The following LARGE1 variants were observed in gnomAD, a reference collection of about 807,000 sequenced individuals.
LARGE1 encodes LARGE xylosyl- and glucuronyltransferase 1, also known as xylosyl- and glucuronyltransferase LARGE1.
In LARGE1, 43 loss-of-function variants were observed where a neutral mutation model predicts 87.6. The observed-to-expected ratio is 0.49, with a 90% CI of 0.38 to 0.63. LARGE1 has a LOEUF of 0.63. Among genes scored for constraint, LARGE1 ranks in the 30% least tolerant of loss-of-function variants. LARGE1 has a pLI of 0.00. For missense variants in LARGE1, 802 were observed against 1,000.2 expected, an observed-to-expected ratio of 0.80 and a Z score of 2.67; for synonymous variants, 434 against 394.6, an observed-to-expected ratio of 1.10 and a Z score of -1.18.
At chr22:33,530,439 A>G (rs917145893) in intron 6 of LARGE1, among the ~76,000 whole-genome samples, 4 of 145,108 alleles carry the variant, frequency 2.8e-5, no homozygotes, top group African/African-American at 1.0e-4. Context: ...ACCATTGCCT[A>G]TTGGAAAGAC....
intron 2 of LARGE1, among the ~76,000 whole-genome samples, chr22:33,706,609 T>C (rs1211992022): frequency 2.6e-5 from 4 of 152,192 alleles, no homozygotes; most frequent in Admixed American, 2.6e-4. Flanking sequence ...TGGAAGGGGA[T>C]GGAAGAGGTT....
intron 13 of LARGE1, among the ~76,000 whole-genome samples, chr22:33,278,969 T>G (rs1284995237): frequency 1.3e-5 from 2 of 152,168 alleles, no homozygotes; most frequent in Admixed American, 1.3e-4. Flanking sequence ...CCGCCCGTCT[T>G]GGCCTCCCAC....
chr22:33,075,719 CTT>C, the LARGE1 span, among the ~76,000 whole-genome samples: 1 of 152,176 alleles, frequency 6.6e-6, no homozygotes, highest in South Asian at 2.1e-4. Context: ...TAAATATGGT[CTT>C]GAGTAATTAA....
At chr22:33,332,557 C>A (rs1569064837) in intron 10 of LARGE1, among the ~76,000 whole-genome samples, 1 of 152,158 alleles carries the variant, frequency 6.6e-6, no homozygotes, top group Non-Finnish European at 1.5e-5. Flanking sequence ...ATCTCAAGTC[C>A]AAAGAAGAGG....
At chr22:33,549,582 CT>C (rs2077464124) in intron 6 of LARGE1, among the ~76,000 whole-genome samples, 1 of 152,176 alleles carries the variant, frequency 6.6e-6, no homozygotes, top group African/African-American at 2.4e-5. Flanking sequence ...AAATTCACTA[CT>C]AGATGTTCAA....
At chr22:33,224,221 G>A (rs892675360) in intron 11 of LARGE1, among the ~76,000 whole-genome samples, 1 of 151,946 alleles carries the variant, frequency 6.6e-6, no homozygotes, top group African/African-American at 2.4e-5. Flanking sequence ...AGCCGAGATC[G>A]CGCCACTGCA....
At position 33,316,188 on chromosome 22, in the gene LARGE1, G is replaced by A. The variant is rs754744384; in HGVS notation, c.1348C>T (p.Arg450Cys). The change falls in exon 11 of 15, where the codon CGC (arginine) becomes TGC (cysteine). Residue 450 changes from arginine to cysteine, a missense_variant. Transcript: ENST00000397394. The stretch of plus-strand genomic sequence containing the variant: ...AGGTGGGTGCGGTGGACAGTGAAGC[G>A]CTCTCGCCGGAACTCATAGCACAGG... Reference protein sequence around the residue: ...DDLCYEFRRERFTVHRTHLYF... With the variant: ...DDLCYEFRRECFTVHRTHLYF... The A allele has an allele frequency of 2.8e-5, 45 of 1,614,024 alleles. No individual in the cohort carries two copies. The highest frequency in any genetic ancestry group is 3.6e-5 in the Non-Finnish European group (43 of 1,179,988).
chr22:33,790,937 C>T (rs1217931915), intron 1 of LARGE1, among the ~76,000 whole-genome samples: 2 of 152,128 alleles, frequency 1.3e-5, no homozygotes, highest in East Asian at 3.9e-4. Context: ...CTTTAAAAGG[C>T]CCACAAGCAC....
At chr22:33,629,202 C>T (rs1488193158) in intron 3 of LARGE1, among the ~76,000 whole-genome samples, 1 of 152,058 alleles carries the variant, frequency 6.6e-6, no homozygotes, top group African/African-American at 2.4e-5. Context: ...CCATTTCAAT[C>T]ATGAGGGAAA....
At chr22:33,532,614 T>C (rs1602286751) in intron 6 of LARGE1, among the ~76,000 whole-genome samples, 1 of 152,176 alleles carries the variant, frequency 6.6e-6, no homozygotes, top group South Asian at 2.1e-4. Context: ...GGGTGAGAGG[T>C]GGCATAGTTC....
chr22:33,262,885 G>A (rs60290807), intron 11 of LARGE1, among the ~76,000 whole-genome samples: 3 of 121,988 alleles, frequency 2.5e-5, no homozygotes, highest in Non-Finnish European at 3.3e-5. Flanking sequence ...CCCTCCGCTC[G>A]CCTCCCCTCC....
At chr22:33,855,477 G>A (rs1381789022) in intron 1 of LARGE1, among the ~76,000 whole-genome samples, 4 of 152,202 alleles carry the variant, frequency 2.6e-5, no homozygotes, top group East Asian at 1.9e-4. Context: ...AGGATCAGGC[G>A]AGAGACCTCA....
At chr22:33,080,462 A>G in the LARGE1 span, among the ~76,000 whole-genome samples, 67 of 152,274 alleles carry the variant, frequency 4.4e-4, no homozygotes, top group African/African-American at 1.6e-3. Flanking sequence ...AATGTTTCAG[A>G]TTTTATGTCA....
intron 6 of LARGE1, among the ~76,000 whole-genome samples, chr22:33,466,777 G>T (rs553330648): frequency 6.6e-6 from 1 of 151,554 alleles, no homozygotes; most frequent in Non-Finnish European, 1.5e-5. Flanking sequence ...GGTGGCTCAC[G>T]CCTGTAACCC....
intron 1 of LARGE1, among the ~76,000 whole-genome samples, chr22:33,833,365 G>A (rs2063026492): frequency 6.6e-6 from 1 of 152,124 alleles, no homozygotes; most frequent in Non-Finnish European, 1.5e-5. Flanking sequence ...AGTTATTAGG[G>A]TAAGATGGGA....
At chr22:33,078,597 C>T in the LARGE1 span, among the ~76,000 whole-genome samples, 1 of 152,234 alleles carries the variant, frequency 6.6e-6, no homozygotes. Flanking sequence ...TCTGACTCCA[C>T]AACCAATGCT....
intron 7 of LARGE1, among the ~76,000 whole-genome samples, chr22:33,426,825 A>AT (rs1168686119): frequency 6.6e-6 from 1 of 152,178 alleles, no homozygotes; most frequent in African/African-American, 2.4e-5. Context: ...AACACGATAC[A>AT]TTTTATTTTT....
At chr22:33,104,784 C>G in the LARGE1 span, among the ~76,000 whole-genome samples, 1 of 152,258 alleles carries the variant, frequency 6.6e-6, no homozygotes, top group South Asian at 2.1e-4. Flanking sequence ...TTTTCAAGAC[C>G]CAGCCCAAGG....
Position 33,523,645 on chromosome 22 carries a change from T to C in LARGE1, c.787+41203A>G, listed in dbSNP as rs969790413. On this transcript the variant is annotated intron_variant, in intron 6 of 14. Coordinates refer to ENST00000397394, the MANE Select transcript of LARGE1 (RefSeq NM_133642.5). The stretch of plus-strand genomic sequence containing the variant: ...AGTAGAGGTTACACCTGCTTAATGC[T>C]ATGCCATTATCTGCATTGTCCATCA... 2.6e-5 allele frequency among the ~76,000 whole-genome samples: 4 copies of C among 152,126 alleles called. No individual in the cohort carries two copies. In the East Asian group the frequency reaches 5.8e-4, roughly 22 times the overall value.
Sources: gnomAD v4.1 joint callset for allele counts (sites outside exome capture counted in the v4.1 genomes callset) on GRCh38, gnomAD v4.1.1 for gene constraint, MANE v1.5 for transcripts, NCBI Gene and HGNC (gene_info 2026-07-23, HGNC 2026-07-21) for gene names.